PTPRD: variants seen among roughly 807,000 people sequenced by gnomAD.
PTPRD encodes the protein protein tyrosine phosphatase receptor type D, also known as receptor-type tyrosine-protein phosphatase delta.
PTPRD carries 34 observed loss-of-function variants against 214.5 expected under a neutral mutation model. The observed-to-expected ratio is 0.16, with a 90% CI of 0.12 to 0.21. PTPRD has a LOEUF of 0.21. Among genes scored for constraint, PTPRD ranks in the 10% least tolerant of loss-of-function variants. The probability of loss-of-function intolerance (pLI) is 1.00; values close to 1 mark genes in which losing one functional copy is unlikely to be tolerated. For synonymous variants in PTPRD, 1,128 were observed against 845.7 expected (o/e 1.33, Z -5.79); for missense variants, 2,545 against 2,398.7 (o/e 1.06, Z -1.27).
intron 6 of PTPRD, among the ~76,000 whole-genome samples, chr9:9,751,075 T>C (rs543196829): frequency 2.6e-5 from 4 of 152,264 alleles, no homozygotes; most frequent in Middle Eastern, 3.4e-3. Flanking sequence ...AGACAGGTTC[T>C]TGAATGAAGA....
intron 2 of PTPRD, among the ~76,000 whole-genome samples, chr9:10,450,118 T>A (rs1200739576): frequency 3.3e-5 from 5 of 151,284 alleles, no homozygotes; most frequent in Admixed American, 1.3e-4. Flanking sequence ...GGCCGCAGGG[T>A]CCTCTGCCTA....
intron 43 of PTPRD, among the ~76,000 whole-genome samples, chr9:8,333,473 G>C (rs890822616): frequency 6.6e-6 from 1 of 152,124 alleles, no homozygotes; most frequent in Non-Finnish European, 1.5e-5. Flanking sequence ...AAGCAAAGGA[G>C]AAATAAAATC....
At chr9:8,617,059 A>G (rs2095636056) in intron 14 of PTPRD, among the ~76,000 whole-genome samples, 1 of 152,090 alleles carries the variant, frequency 6.6e-6, no homozygotes, top group African/African-American at 2.4e-5. Context: ...CAAAATACTT[A>G]TTTACAAATC....
At position 8,710,044 on chromosome 9, in the gene PTPRD, C is replaced by T. The variant is rs558502361; in HGVS notation, c.64+23736G>A. Reference sequence around the variant, plus strand: ...AATTTACCCTATCTTAAAGTCTAGGCTAATAAGGGTTCTTAAAACACATGA... The same window carrying T: ...AATTTACCCTATCTTAAAGTCTAGGTTAATAAGGGTTCTTAAAACACATGA... On this transcript the variant is annotated intron_variant, in intron 12 of 45. Transcript: ENST00000381196. Among the ~76,000 whole-genome samples the T allele has an allele frequency of 3.3e-5, 5 of 152,268 alleles. No individual in the cohort carries two copies. In the East Asian group the frequency reaches 5.8e-4, roughly 18 times the overall value.
intron 12 of PTPRD, among the ~76,000 whole-genome samples, chr9:8,713,036 A>T (rs2098377493): frequency 6.6e-6 from 1 of 152,166 alleles, no homozygotes; most frequent in African/African-American, 2.4e-5. Flanking sequence ...TTAATATGTT[A>T]CAAATCTCAA....
intron 45 of PTPRD, among the ~76,000 whole-genome samples, chr9:8,318,752 C>T (rs7868676): frequency 0.012 from 1,883 of 152,060 alleles, 44 homozygotes; most frequent in African/African-American, 0.043. Context: ...TGAAGCATGG[C>T]CTTTTTCAGA....
intron 10 of PTPRD, among the ~76,000 whole-genome samples, chr9:9,117,193 T>C (rs563923400): frequency 1.0e-3 from 158 of 152,260 alleles, no homozygotes; most frequent in African/African-American, 3.6e-3. Flanking sequence ...TTAGTATCTT[T>C]TTCCAGCAGA....
intron 35 of PTPRD, among the ~76,000 whole-genome samples, chr9:8,434,699 TAAC>T (rs1411934351): frequency 3.3e-5 from 5 of 152,152 alleles, no homozygotes; most frequent in Non-Finnish European, 5.9e-5. Context: ...AAGAATCATA[TAAC>T]AATAAAAAGT....
chr9:9,106,398 C>T (rs964118819), intron 10 of PTPRD, among the ~76,000 whole-genome samples: 1 of 151,594 alleles, frequency 6.6e-6, no homozygotes, highest in African/African-American at 2.4e-5. Context: ...TTTATTTAAT[C>T]TTTCCAGCAT....
At chr9:10,199,163 C>T (rs990939573) in intron 3 of PTPRD, among the ~76,000 whole-genome samples, 7 of 151,576 alleles carry the variant, frequency 4.6e-5, no homozygotes, top group African/African-American at 1.7e-4. Flanking sequence ...ATGCTCTATT[C>T]GAACTGATTC....
chr9:8,895,244 T>C (rs1316820014), intron 11 of PTPRD, among the ~76,000 whole-genome samples: 1 of 152,202 alleles, frequency 6.6e-6, no homozygotes, highest in African/African-American at 2.4e-5. Context: ...CCCCAAAGCC[T>C]CTATGAGACT....
intron 14 of PTPRD, among the ~76,000 whole-genome samples, chr9:8,594,688 C>T (rs1564593491): frequency 6.6e-6 from 1 of 152,056 alleles, no homozygotes; most frequent in Non-Finnish European, 1.5e-5. Context: ...CTCTGTCTTG[C>T]CTGCGGCCAT....
chr9:10,273,146 A>G (rs1194010050), intron 3 of PTPRD, among the ~76,000 whole-genome samples: 1 of 152,204 alleles, frequency 6.6e-6, no homozygotes, highest in Non-Finnish European at 1.5e-5. Flanking sequence ...TAATGTGACA[A>G]TACATAATCC....
chr9:9,522,129 C>A (rs2096991860), intron 8 of PTPRD, among the ~76,000 whole-genome samples: 1 of 143,598 alleles, frequency 7.0e-6, no homozygotes, highest in African/African-American at 2.6e-5. Context: ...TGCACTCCAG[C>A]CTGAGCAACA....
At chr9:8,392,815 A>G in intron 36 of PTPRD, among the ~76,000 whole-genome samples, 2 of 152,146 alleles carry the variant, frequency 1.3e-5, no homozygotes, top group East Asian at 3.9e-4. Flanking sequence ...AAGCTCTAAG[A>G]TCTAATGAGT....
At chr9:8,926,139 T>C (rs1216979978) in intron 11 of PTPRD, among the ~76,000 whole-genome samples, 2 of 152,058 alleles carry the variant, frequency 1.3e-5, no homozygotes, top group African/African-American at 4.8e-5. Flanking sequence ...CCCTCTTCCA[T>C]CATACTCCAT....
intron 5 of PTPRD, among the ~76,000 whole-genome samples, chr9:9,801,037 GTTAT>G (rs1465703551): frequency 6.6e-6 from 1 of 151,934 alleles, no homozygotes; most frequent in African/African-American, 2.4e-5. Flanking sequence ...CTACTCAACT[GTTAT>G]TTATTATTTA....
At chr9:9,943,004 C>G (rs892892448) in intron 4 of PTPRD, among the ~76,000 whole-genome samples, 1 of 151,866 alleles carries the variant, frequency 6.6e-6, no homozygotes, top group Non-Finnish European at 1.5e-5. Flanking sequence ...CATTCTGCTC[C>G]ATTGCATCTT....
intron 5 of PTPRD, among the ~76,000 whole-genome samples, chr9:9,866,623 G>T (rs1224663251): frequency 2.0e-5 from 3 of 152,080 alleles, no homozygotes; most frequent in African/African-American, 7.2e-5. Flanking sequence ...AGTAGAAGGA[G>T]AATATGTTTT....
Sources: gnomAD v4.1 joint callset for allele counts (sites outside exome capture counted in the v4.1 genomes callset) on GRCh38, gnomAD v4.1.1 for gene constraint, MANE v1.5 for transcripts, NCBI Gene and HGNC (gene_info 2026-07-23, HGNC 2026-07-21) for gene names.